Variants in KCNQ1 observed in about 807,000 individuals in gnomAD.
KCNQ1 encodes the protein potassium voltage-gated channel subfamily Q member 1.
A neutral mutation model predicts 72.4 loss-of-function variants in KCNQ1; 49 were observed. That is an observed-to-expected ratio of 0.68 (90% CI 0.54 to 0.86). The LOEUF (loss-of-function observed/expected upper bound fraction) is 0.86, where lower values mean the gene tolerates loss of function less well. Among genes scored for constraint, KCNQ1 ranks in the 40% least tolerant of loss-of-function variants. The probability of loss-of-function intolerance (pLI) is 0.00; values close to 1 mark genes in which losing one functional copy is unlikely to be tolerated. For synonymous variants in KCNQ1, 450 were observed against 412.6 expected (o/e 1.09, Z -1.10); for missense variants, 790 against 945.1 (o/e 0.84, Z 2.15).
In KCNQ1 at chr11:2,671,054, C is replaced by A. The variant is rs1204149267; in HGVS notation, c.1514+8973C>A. 2.5e-6 allele frequency: 1 copy of A among 398,508 alleles called. No homozygotes were observed. The highest frequency in any genetic ancestry group is 4.4e-6 in the Non-Finnish European group (1 of 226,094). 24.7% of individuals were successfully genotyped at this position (398,508 alleles called of 1,614,324 possible). A position where few individuals can be genotyped will look rare whatever the true frequency, so the allele number is the denominator to read the frequency against. On this transcript the variant is annotated intron_variant, in intron 11 of 15. Transcript: ENST00000155840. The surrounding 1 kb of genome is among the most constrained non-coding windows in gnomAD (Gnocchi z 4.7). ...CTGGGCAGGGGCTGTATCTGAGGCA[C>A]ACATCCTTGGTAGTGACTGGCTAGC... is the stretch of plus-strand genomic sequence containing the variant.
chr11:2,642,927 C>G lies in KCNQ1; in HGVS notation c.1394-19034C>G, dbSNP rs1590000346. 1.0e-5 allele frequency: 4 copies of G among 397,918 alleles called. No homozygotes were observed. Among genetic ancestry groups the G allele is most frequent in the Middle Eastern group, 6.3e-4 (1 of 1,580 alleles). 24.6% of individuals were successfully genotyped at this position (397,918 alleles called of 1,614,324 possible). Reference sequence around the variant, plus strand: ...TTAATTTCTTCTTTGACCCATTGGTCATTCAGGAACATGTTAATTTCCATT... The same window carrying G: ...TTAATTTCTTCTTTGACCCATTGGTGATTCAGGAACATGTTAATTTCCATT... On this transcript the variant is annotated intron_variant, in intron 10 of 15. Transcript: ENST00000155840. This position sits in a 1 kb window ranked among gnomAD's most constrained non-coding sequence, Gnocchi z 4.3.
rs1848916101 is a variant in KCNQ1 at position 2,608,410 on chromosome 11, A to G, written c.1393+19556A>G. On this transcript the variant is annotated intron_variant, in intron 10 of 15. Transcript: ENST00000155840. This position sits in a 1 kb window ranked among gnomAD's most constrained non-coding sequence, Gnocchi z 4.6. ...ATAATTTATTGGCACAAAATTGTTC[A>G]TAGTGTTCCTTCATAATCCTTTTTA... 1.3e-5 allele frequency: 5 copies of G among 398,518 alleles called. No homozygotes were observed. Among genetic ancestry groups the G allele is most frequent in the South Asian group, 1.3e-4 (1 of 7,868 alleles). The allele number at this position is 398,518 out of a possible 1,614,324, so 24.7% of individuals were successfully genotyped here.
chr11:2,694,084 C>T, intron 11 of KCNQ1: 1 of 398,666 alleles, frequency 2.5e-6, no homozygotes, highest in Non-Finnish European at 4.4e-6. Context: ...TCCAACTAAA[C>T]CTCTGGGTGG....
chr11:2,776,197 C>A, intron 13 of KCNQ1, 143 bp downstream of exon 13: 1 of 729,882 alleles, frequency 1.4e-6, no homozygotes, highest in South Asian at 1.7e-5. Context: ...CTCACCACCC[C>A]CAGCCCTGCA....
At chr11:2,838,747 C>G (rs1051454705) in intron 15 of KCNQ1, among the ~76,000 whole-genome samples, 2 of 152,038 alleles carry the variant, frequency 1.3e-5, no homozygotes, top group Non-Finnish European at 2.9e-5. Context: ...CCCCCGTGGC[C>G]GGGCTGGGGT....
rs141668475 is a variant in KCNQ1, at chr11:2,700,216, A to AG, written c.1514+38137dup. On this transcript the variant is annotated intron_variant, in intron 11 of 15. Coordinates refer to ENST00000155840, the MANE Select transcript of KCNQ1 (RefSeq NM_000218.3). ...GGCCCAGCGGGTCCAGCGCCGCATG[A>AG]GGCACTGGCTGGGTGTGAGGTGGCG... Among the ~76,000 whole-genome samples, 728 of 151,884 alleles carry AG rather than the reference A, an allele frequency of 4.8e-3. 6 individuals are homozygous for AG. The highest frequency in any genetic ancestry group is 5.8e-3 in the Non-Finnish European group (393 of 67,926).
At position 2,689,592 on chromosome 11, in the gene KCNQ1, T is replaced by C. The variant is rs231352; in HGVS notation, c.1514+27511T>C. 0.59 allele frequency: 236,538 copies of C among 398,460 alleles called. 73,861 individuals are homozygous for C. Among genetic ancestry groups the C allele is most frequent in the East Asian group, 0.9 (25,240 of 28,080 alleles). The allele number at this position is 398,460 out of a possible 1,614,324, so 24.7% of individuals were successfully genotyped here. A position where few individuals can be genotyped will look rare whatever the true frequency, so the allele number is the denominator to read the frequency against. On this transcript the variant is annotated intron_variant, in intron 11 of 15. Transcript: ENST00000155840. ...GAAATCTGTTAGCAGTGGTGTCTTC[T>C]AGATTCTCAAGGATCCGGGTATTTT...
At chr11:2,702,695 C>G (rs997368836) in intron 11 of KCNQ1, among the ~76,000 whole-genome samples, 1 of 152,178 alleles carries the variant, frequency 6.6e-6, no homozygotes, top group Non-Finnish European at 1.5e-5. Flanking sequence ...GGATTTTTCC[C>G]TGACAAATTC....
intron 15 of KCNQ1, among the ~76,000 whole-genome samples, chr11:2,798,487 C>T (rs1847186858): frequency 6.6e-6 from 1 of 151,712 alleles, no homozygotes; most frequent in Non-Finnish European, 1.5e-5. Flanking sequence ...GGGTTTGCGG[C>T]AGCAGCAGCA....
chr11:2,751,331 C>CA (rs1312470531), intron 11 of KCNQ1, among the ~76,000 whole-genome samples: 2 of 152,242 alleles, frequency 1.3e-5, no homozygotes, highest in Non-Finnish European at 2.9e-5. Context: ...GAGAAAGCCC[C>CA]ACGCTCTCAG....
rs769544024 is a variant in KCNQ1 at position 2,769,113 on chromosome 11, G to A, written c.1590+194G>A. 3.9e-5 allele frequency among the ~76,000 whole-genome samples: 6 copies of A among 152,110 alleles called. No individual in the cohort carries two copies. The highest frequency in any genetic ancestry group is 8.8e-5 in the Non-Finnish European group (6 of 68,032). On this transcript the variant is annotated intron_variant, in intron 12 of 15. Coordinates refer to ENST00000155840, the MANE Select transcript of KCNQ1 (RefSeq NM_000218.3). The surrounding 1 kb of genome is among the most constrained non-coding windows in gnomAD (Gnocchi z 4.6). ...AACCCCAGACAGCAGGCCCCTCAGA[G>A]GACCTATCCTTGGAGGCCCGGCCTG...
Position 2,761,213 on chromosome 11 carries a change from C to T in KCNQ1, c.1515-7631C>T, listed in dbSNP as rs182346839. 2.7e-3 allele frequency among the ~76,000 whole-genome samples: 406 copies of T among 152,300 alleles called. 2 individuals are homozygous for T. Among genetic ancestry groups the T allele is most frequent in the African/African-American group, 9.4e-3 (392 of 41,554 alleles). On this transcript the variant is annotated intron_variant, in intron 11 of 15. Transcript: ENST00000155840. Reference sequence around the variant, plus strand: ...CGGCTCAGCAGCCTGGGCTCTCCTGCGTCCACCCCAGCCAAACCCTTCATC... The same window carrying T: ...CGGCTCAGCAGCCTGGGCTCTCCTGTGTCCACCCCAGCCAAACCCTTCATC...
At chr11:2,552,964 A>G (rs1220369518) in intron 2 of KCNQ1, among the ~76,000 whole-genome samples, 5 of 152,190 alleles carry the variant, frequency 3.3e-5, no homozygotes, top group African/African-American at 1.2e-4. Flanking sequence ...AACTTGCTAG[A>G]TTTGTTCCTA....
chr11:2,733,851 C>CACTCTTTCACTCTT (rs762297859), intron 11 of KCNQ1, among the ~76,000 whole-genome samples: 1 of 70,762 alleles, frequency 1.4e-5, no homozygotes, highest in African/African-American at 8.7e-5. Context: ...CTCTCTCTCT[C>CACTCTTTCACTCTT]TCTCTCCCCC....
chr11:2,811,675 C>T (rs2237888), intron 15 of KCNQ1, among the ~76,000 whole-genome samples: 35,347 of 152,156 alleles, frequency 0.23, 5,087 homozygotes, highest in East Asian at 0.4. Flanking sequence ...CCAGTGGGCG[C>T]GCAGCACAAG....
At chr11:2,609,486 TA>T in intron 10 of KCNQ1, 1 of 398,400 alleles carries the variant, frequency 2.5e-6, no homozygotes, top group Non-Finnish European at 4.4e-6. Flanking sequence ...GAAAATACTG[TA>T]TATTCAATGT....
intron 15 of KCNQ1, among the ~76,000 whole-genome samples, chr11:2,832,653 G>A (rs375582330): frequency 1.1e-4 from 17 of 152,314 alleles, no homozygotes; most frequent in South Asian, 8.3e-4. Context: ...AGGTCTGCCC[G>A]CCTCCCCGGA....
intron 10 of KCNQ1, chr11:2,629,670 A>C (rs954073642): frequency 2.5e-6 from 1 of 398,348 alleles, no homozygotes; most frequent in Admixed American, 4.4e-5. Flanking sequence ...GGAGCTCTCT[A>C]TTCTTTTTGA....
At chr11:2,532,277 C>T (rs1015288854) in intron 2 of KCNQ1, among the ~76,000 whole-genome samples, 6 of 152,206 alleles carry the variant, frequency 3.9e-5, no homozygotes, top group Non-Finnish European at 8.8e-5. Flanking sequence ...GCTTCCTGGC[C>T]GTGCATGTCC....
Sources: gnomAD v4.1 joint callset for allele counts (sites outside exome capture counted in the v4.1 genomes callset) on GRCh38, gnomAD v4.1.1 for gene constraint, Gnocchi (gnomAD v3.1) non-coding constraint, MANE v1.5 for transcripts, NCBI Gene and HGNC (gene_info 2026-07-23, HGNC 2026-07-21) for gene names.